SMARCA5: variants seen among roughly 807,000 people sequenced by gnomAD.
The protein encoded by SMARCA5 is SWI/SNF-related matrix-associated actin-dependent regulator of chromatin subfamily A member 5.
SMARCA5 carries 18 observed loss-of-function variants against 140.4 expected under a neutral mutation model. The ratio of observed to expected loss-of-function variants is 0.13; its 90% CI spans 0.09 to 0.19. The LOEUF is 0.19. Ranked by LOEUF, SMARCA5 falls within the 10% of genes least tolerant of loss-of-function variation. The pLI is 1.00. For synonymous variants in SMARCA5, 449 were observed against 419.6 expected (o/e 1.07, Z -0.86); for missense variants, 606 against 1,276.8 (o/e 0.47, Z 8.01).
At chr4:143,521,917 A>AG (rs397782215) in intron 3 of SMARCA5, among the ~76,000 whole-genome samples, 8 of 149,934 alleles carry the variant, frequency 5.3e-5, no homozygotes, top group Non-Finnish European at 1.2e-4. Context: ...AAAAAAAAAA[A>AG]GAATAAAACT....
intron 21 of SMARCA5, 100 bp downstream of exon 21, chr4:143,547,603 A>G: frequency 1.4e-6 from 1 of 700,360 alleles, no homozygotes; most frequent in South Asian, 1.9e-5. Flanking sequence ...AAGGGTTTAC[A>G]ATTTAAAATT....
At position 143,513,739 on chromosome 4, in the gene SMARCA5, T is replaced by G; in HGVS notation, c.-186T>G. On this transcript the variant is annotated 5_prime_UTR_variant, in exon 1 of 24. Transcript: ENST00000283131. ...TAGAGCCCCGCGGAAGAGCAGAACG[T>G]TTGGGAGTGTGCAGCTCCTGGGCCC... The G allele has an allele frequency of 4.8e-6, 3 of 624,236 alleles. No homozygotes were observed. The highest frequency in any genetic ancestry group is 8.1e-6 in the Non-Finnish European group (3 of 368,110). The allele number at this position is 624,236 out of a possible 1,614,324, so 38.7% of individuals were successfully genotyped here.
At chr4:143,549,685 C>T (rs1446155997) in intron 22 of SMARCA5, among the ~76,000 whole-genome samples, 1 of 152,054 alleles carries the variant, frequency 6.6e-6, no homozygotes, top group African/African-American at 2.4e-5. Flanking sequence ...CACAGTAGTT[C>T]TCAGACATAC....
chr4:143,520,459 G>T (rs1294538353), intron 2 of SMARCA5, among the ~76,000 whole-genome samples: 1 of 152,160 alleles, frequency 6.6e-6, no homozygotes, highest in East Asian at 1.9e-4. Context: ...CTATAACCAT[G>T]TGCCTTCCTA....
chr4:143,526,433 T>G lies in SMARCA5; in HGVS notation c.774T>G (p.Val258=). The change falls in exon 6 of 24, where the codon GTT becomes GTG. Residue 258 remains valine (V), a synonymous_variant. Transcript: ENST00000283131. ...GATGGGTACCAACACTTAGATCTGT[T>G]TGTTTGATAGGAGATAAAGAACAAA... ...FKRWVPTLRS[V]CLIGDKEQRA... The G allele has an allele frequency of 6.2e-7, 1 of 1,610,896 alleles. No individual in the cohort carries two copies. The highest frequency in any genetic ancestry group is 8.5e-7 in the Non-Finnish European group (1 of 1,178,518).
intron 8 of SMARCA5, among the ~76,000 whole-genome samples, chr4:143,529,478 A>C (rs1455690209): frequency 1.3e-5 from 2 of 152,236 alleles, no homozygotes; most frequent in African/African-American, 4.8e-5. Context: ...ATAGTCTAAC[A>C]AACAAATAGA....
Position 143,536,641 on chromosome 4 carries a change from G to A in SMARCA5, c.1458G>A (p.Val486=), listed in dbSNP as rs201819764. The part of the protein sequence containing the change: ...MHLVTNSGKM[V]VLDKLLPKLK... ...TAGTAACCAACAGTGGCAAAATGGT[G>A]GTTTTAGACAAGCTGCTCCCTAAGT... Residue 486 remains valine (V), a synonymous_variant, in exon 11 of 24, where the codon GTG becomes GTA. Transcript: ENST00000283131. The A allele has an allele frequency of 3.9e-5, 63 of 1,613,336 alleles. No homozygotes were observed. Among genetic ancestry groups the A allele is most frequent in the Non-Finnish European group, 1.6e-5 (19 of 1,179,640 alleles).
At chr4:143,537,164 A>G (rs1197383169) in intron 11 of SMARCA5, among the ~76,000 whole-genome samples, 2 of 152,154 alleles carry the variant, frequency 1.3e-5, no homozygotes, top group Non-Finnish European at 2.9e-5. Flanking sequence ...GTGTTTGGGT[A>G]TATTTAAATT....
At chr4:143,514,347 A>G in intron 1 of SMARCA5, 1 of 476,252 alleles carries the variant, frequency 2.1e-6, no homozygotes, top group African/African-American at 2.1e-5. Flanking sequence ...ATCCTGACAA[A>G]TATTTGAACG....
intron 2 of SMARCA5, among the ~76,000 whole-genome samples, chr4:143,519,455 A>C (rs1009687779): frequency 6.6e-6 from 1 of 151,056 alleles, no homozygotes; most frequent in African/African-American, 2.4e-5. Flanking sequence ...ACATTTTTGC[A>C]AAGTGTTATT....
chr4:143,530,115 A>G (rs932939350), intron 8 of SMARCA5, among the ~76,000 whole-genome samples: 3 of 152,340 alleles, frequency 2.0e-5, no homozygotes, highest in Middle Eastern at 3.4e-3. Flanking sequence ...CTCAGAGAAC[A>G]AACTATAAAA....
intron 8 of SMARCA5, 138 bp from the exon 9 acceptor site, chr4:143,530,320 C>G: frequency 2.2e-6 from 1 of 463,182 alleles, no homozygotes; most frequent in Non-Finnish European, 3.8e-6. Flanking sequence ...ACATGAAAAC[C>G]AGGATTGGAC....
At chr4:143,533,561 G>T (rs1386942191) in intron 9 of SMARCA5, among the ~76,000 whole-genome samples, 3 of 142,384 alleles carry the variant, frequency 2.1e-5, no homozygotes. Context: ...AGGATGGAGT[G>T]CAGTGGCGCC....
At chr4:143,525,380 A>G (rs1002755538) in intron 4 of SMARCA5, 71 bp from the exon 5 acceptor site, 3 of 917,874 alleles carry the variant, frequency 3.3e-6, no homozygotes, top group South Asian at 1.3e-5. Flanking sequence ...AGATATGTGT[A>G]GGCTTAGATG....
chr4:143,545,685 C>T (rs1408362577), intron 18 of SMARCA5, 102 bp downstream of exon 18: 12 of 813,532 alleles, frequency 1.5e-5, no homozygotes, highest in Admixed American at 2.5e-5. Context: ...TAGTGTGAAA[C>T]AATACTGCTT....
chr4:143,521,603 A>G lies in SMARCA5; in HGVS notation c.419+8A>G. The G allele has an allele frequency of 6.2e-7, 1 of 1,604,602 alleles. No individual in the cohort carries two copies. The highest frequency in any genetic ancestry group is 8.5e-7 in the Non-Finnish European group (1 of 1,175,808). ...CTTACTATCCGTTGGCGAGTGAGTA[A>G]TAGTTTAAACTTCATAGTTCAACCA... On this transcript the variant is annotated splice_region_variant and intron_variant, in intron 3 of 23. Transcript: ENST00000283131.
Position 143,534,978 on chromosome 4 carries a change from G to C in SMARCA5, c.1268+14G>C. ...GCAAAGGGAATGGTATGTATTCTCA[G>C]ATGTACTTGATAGCACTATTGATTC... On this transcript the variant is annotated intron_variant, in intron 10 of 23. Transcript: ENST00000283131. 1 of 1,479,618 alleles carries C rather than the reference G, an allele frequency of 6.8e-7. No homozygotes were observed. The highest frequency in any genetic ancestry group is 1.2e-5 in the South Asian group (1 of 85,010). The allele number at this position is 1,479,618 out of a possible 1,614,324, so 91.7% of individuals were successfully genotyped here.
Position 143,513,863 on chromosome 4 carries a change from TC to T in SMARCA5, c.-58del, listed in dbSNP as rs766047542. 6.6e-7 allele frequency: 1 copy of T among 1,508,244 alleles called. No individual in the cohort carries two copies. The highest frequency in any genetic ancestry group is 2.1e-4 in the Middle Eastern group (1 of 4,796). The allele number at this position is 1,508,244 out of a possible 1,614,324, so 93.4% of individuals were successfully genotyped here. A position where few individuals can be genotyped will look rare whatever the true frequency, so the allele number is the denominator to read the frequency against. On this transcript the variant is annotated 5_prime_UTR_variant, in exon 1 of 24. Coordinates refer to ENST00000283131, the MANE Select transcript of SMARCA5 (RefSeq NM_003601.4). ...GCGACGTAGCATCCAGGCCTAGGCC[TC>T]CCCGTCCATCCCCGCCGGACTCGGG... is the stretch of plus-strand genomic sequence containing the variant.
chr4:143,539,073 T>C (rs1439659824), intron 13 of SMARCA5, 135 bp downstream of exon 13: 7 of 773,018 alleles, frequency 9.1e-6, no homozygotes, highest in Admixed American at 2.6e-5. Context: ...TGAGAGTATA[T>C]TGAGGTGATC....
Sources: gnomAD v4.1 joint callset for allele counts (sites outside exome capture counted in the v4.1 genomes callset) on GRCh38, gnomAD v4.1.1 for gene constraint, MANE v1.5 for transcripts, NCBI Gene and HGNC (gene_info 2026-07-23, HGNC 2026-07-21) for gene names.